Variants in GUCY2D observed in about 807,000 individuals in gnomAD.
GUCY2D encodes the protein retinal guanylyl cyclase 1.
A neutral mutation model predicts 101.3 loss-of-function variants in GUCY2D; 70 were observed. The observed-to-expected ratio is 0.69, with a 90% CI of 0.57 to 0.84. The LOEUF is 0.84. Ranked by LOEUF, GUCY2D falls within the 40% of genes least tolerant of loss-of-function variation. The probability of loss-of-function intolerance (pLI) is 0.00; values close to 1 mark genes in which losing one functional copy is unlikely to be tolerated. For synonymous variants in GUCY2D, 688 were observed against 670.7 expected (o/e 1.03, Z -0.40); for missense variants, 1,460 against 1,542.5 (o/e 0.95, Z 0.90).
chr17:8,012,612 A>G lies in GUCY2D; in HGVS notation c.2113+6A>G, dbSNP rs1375678923. 1.2e-6 allele frequency: 2 copies of G among 1,610,550 alleles called. No individual in the cohort carries two copies. The highest frequency in any genetic ancestry group is 3.3e-5 in the Admixed American group (2 of 60,008). On this transcript the variant is annotated splice_donor_region_variant and intron_variant, in intron 10 of 19. Transcript: ENST00000254854. ...GGAGCCTCCCAGAGCGGAGGGTAAG[A>G]GTCCCCTGTGCAGACGAGGATCCAC...
At position 8,007,059 on chromosome 17, in the gene GUCY2D, G is replaced by C; in HGVS notation, c.1379-1G>C. The C allele has an allele frequency of 6.2e-7, 1 of 1,613,500 alleles. No individual in the cohort carries two copies. Among genetic ancestry groups the C allele is most frequent in the Non-Finnish European group, 8.5e-7 (1 of 1,179,412 alleles). On this transcript the variant is annotated splice_acceptor_variant, in intron 4 of 19. Coordinates refer to ENST00000254854, the MANE Select transcript of GUCY2D (RefSeq NM_000180.4). LOFTEE classifies it high-confidence loss of function. Reference sequence around the variant, plus strand: ...TATACCTCCTGTCACTGTCCCTTCAGGACTGGAGCCGGGCCTCGTCTTTCT... The same window carrying C: ...TATACCTCCTGTCACTGTCCCTTCACGACTGGAGCCGGGCCTCGTCTTTCT...
rs1284918392 is a variant in GUCY2D at position 8,011,837 on chromosome 17, A to T, written c.1750-307A>T. ...GAGTGAGACCTCGTGTCTAAAAAAA[A>T]AGGCTTATGATCAATAAATCCGAAC... On this transcript the variant is annotated intron_variant, in intron 8 of 19. Coordinates refer to ENST00000254854, the MANE Select transcript of GUCY2D (RefSeq NM_000180.4). This position sits in a 1 kb window ranked among gnomAD's most constrained non-coding sequence, Gnocchi z 4.3. Among the ~76,000 whole-genome samples the T allele has an allele frequency of 6.6e-6, 1 of 152,162 alleles. No homozygotes were observed. Among genetic ancestry groups the T allele is most frequent in the Non-Finnish European group, 1.5e-5 (1 of 68,014 alleles).
Position 8,002,938 on chromosome 17 carries a change from T to A in GUCY2D, c.-9-101T>A. 1 of 891,492 alleles carries A rather than the reference T, an allele frequency of 1.1e-6. No individual in the cohort carries two copies. Among genetic ancestry groups the A allele is most frequent in the Non-Finnish European group, 1.7e-6 (1 of 593,984 alleles). The allele number at this position is 891,492 out of a possible 1,614,324, so 55.2% of individuals were successfully genotyped here. A position where few individuals can be genotyped will look rare whatever the true frequency, so the allele number is the denominator to read the frequency against. On this transcript the variant is annotated intron_variant, in intron 1 of 19. Coordinates refer to ENST00000254854, the MANE Select transcript of GUCY2D (RefSeq NM_000180.4). The surrounding 1 kb of genome is among the most constrained non-coding windows in gnomAD (Gnocchi z 4.9). ...GGAGGGGGCGGTAGCAGCAGAATCA[T>A]CCCATGGGTTACTCGGGCTTGGAGA... is the stretch of plus-strand genomic sequence containing the variant.
chr17:8,016,371 G>A (rs1975976054), intron 18 of GUCY2D, 72 bp from the exon 19 acceptor site: 1 of 1,439,782 alleles, frequency 6.9e-7, no homozygotes, highest in African/African-American at 1.4e-5. Context: ...CGCGCGCGAG[G>A]CAGCGATGAC....
intron 7 of GUCY2D, 136 bp from the exon 8 acceptor site, chr17:8,009,370 G>C (rs1170359576): frequency 2.1e-5 from 16 of 766,714 alleles, no homozygotes; most frequent in African/African-American, 5.1e-5. Flanking sequence ...CAAACCCCTT[G>C]GTTCAATGCA....
At chr17:8,017,091 G>A (rs1365647075) in intron 19 of GUCY2D, among the ~76,000 whole-genome samples, 1 of 152,220 alleles carries the variant, frequency 6.6e-6, no homozygotes, top group Non-Finnish European at 1.5e-5. Flanking sequence ...TCTGTCTAAT[G>A]CTGGTGGACT....
chr17:8,003,555 G>A lies in GUCY2D; in HGVS notation c.508G>A (p.Asp170Asn). Residue 170 changes from aspartate (D) to asparagine (N), a missense_variant, in exon 2 of 20, where the codon GAT (aspartate) becomes AAT (asparagine). This residue lies in a region of GUCY2D where 1,196 missense variants were observed against 1,229.6 expected (regional missense o/e 0.97). Coordinates refer to ENST00000254854, the MANE Select transcript of GUCY2D (RefSeq NM_000180.4). ...TTAPAVTPAA[D>N]ALYALLRAFG... ...GGCCCCTGCCGTGACCCCCGCCGCG[G>A]ATGCCCTCTACGCCCTGCTTCGCGC... 6.4e-7 allele frequency: 1 copy of A among 1,571,090 alleles called. No individual in the cohort carries two copies.
At position 8,014,525 on chromosome 17, in the gene GUCY2D, G is replaced by A. The variant is rs1254022355; in HGVS notation, c.2413-76G>A. 10 of 1,331,498 alleles carry A rather than the reference G, an allele frequency of 7.5e-6. No homozygotes were observed. The highest frequency in any genetic ancestry group is 1.7e-5 in the Admixed American group (1 of 59,670). The allele number at this position is 1,331,498 out of a possible 1,614,324, so 82.5% of individuals were successfully genotyped here. On this transcript the variant is annotated intron_variant, in intron 12 of 19. Transcript: ENST00000254854. The surrounding 1 kb of genome is among the most constrained non-coding windows in gnomAD (Gnocchi z 4.0). ...TTCAGAGTGAACAGCCCCATGAGAGGGCCCATGAGGGGGGCATAAAGAGGG... is the reference window on the plus strand; with the variant it reads ...TTCAGAGTGAACAGCCCCATGAGAGAGCCCATGAGGGGGGCATAAAGAGGG...
Position 8,015,434 on chromosome 17 carries a change from CCGTGG to C in GUCY2D, c.2877_2881del (p.Val960HisfsTer9). 6.2e-7 allele frequency: 1 copy of C among 1,613,658 alleles called. No individual in the cohort carries two copies. The highest frequency in any genetic ancestry group is 8.5e-7 in the Non-Finnish European group (1 of 1,179,734). ...AACATGTCACTGGACATCCTCAGTGCCGTGGGCACTTTCCGCATGCGCCATATGCC... is the reference window on the plus strand; with the variant it reads ...AACATGTCACTGGACATCCTCAGTGCGCACTTTCCGCATGCGCCATATGCC... On this transcript the variant is annotated frameshift_variant, in exon 15 of 20. Coordinates refer to ENST00000254854, the MANE Select transcript of GUCY2D (RefSeq NM_000180.4). LOFTEE classifies it high-confidence loss of function.
Position 8,006,611 on chromosome 17 carries a change from C to T in GUCY2D, c.1275C>T (p.Gly425=), listed in dbSNP as rs779783880. ...FATYMLDPAR[G]SFLSAGTRMH... ...CATACATGCTGGATCCTGCCCGGGG[C>T]TCCTTCCTCTCCGCCGGTACCCGGA... Residue 425 remains glycine, a synonymous_variant, in exon 4 of 20, where the codon GGC becomes GGT. Transcript: ENST00000254854. 39 of 1,612,768 alleles carry T rather than the reference C, an allele frequency of 2.4e-5. No homozygotes were observed. The highest frequency in any genetic ancestry group is 3.1e-5 in the Non-Finnish European group (37 of 1,179,684).
chr17:8,006,864 G>A (rs1975754524), intron 4 of GUCY2D, 150 bp downstream of exon 4: 1 of 873,760 alleles, frequency 1.1e-6, no homozygotes, highest in Non-Finnish European at 1.9e-6. Context: ...CCCCTCTCTT[G>A]CTGAGCTCCA....
chr17:8,005,173 C>T (rs1385599019), intron 3 of GUCY2D, among the ~76,000 whole-genome samples: 1 of 152,174 alleles, frequency 6.6e-6, no homozygotes, highest in East Asian at 1.9e-4. Flanking sequence ...ACTGTTACTT[C>T]CTAAAGATCA....
chr17:8,008,579 G>C (rs182105834), intron 7 of GUCY2D, among the ~76,000 whole-genome samples: 2 of 152,332 alleles, frequency 1.3e-5, no homozygotes, highest in East Asian at 3.9e-4. Flanking sequence ...AGCAAATCAA[G>C]AGAGTAGAAA....
intron 7 of GUCY2D, among the ~76,000 whole-genome samples, chr17:8,009,243 A>T (rs1387588391): frequency 6.6e-6 from 1 of 152,170 alleles, no homozygotes; most frequent in Non-Finnish European, 1.5e-5. Context: ...AATGCACTTA[A>T]TAGGACTATT....
chr17:8,015,577 G>A, intron 15 of GUCY2D, 75 bp downstream of exon 15: 1 of 1,389,862 alleles, frequency 7.2e-7, no homozygotes, highest in Non-Finnish European at 1.0e-6. Flanking sequence ...TGTAGAGGAG[G>A]CAACTCATGG....
Position 8,015,542 on chromosome 17 carries a change from C to G in GUCY2D, c.2944+40C>G, listed in dbSNP as rs868564393. 4 of 1,564,416 alleles carry G rather than the reference C, an allele frequency of 2.6e-6. No homozygotes were observed. The African/African-American group carries it at 5.4e-5, about 21-fold the overall frequency. On this transcript the variant is annotated intron_variant, in intron 15 of 19. Coordinates refer to ENST00000254854, the MANE Select transcript of GUCY2D (RefSeq NM_000180.4). ...TTCCCAGGCTCCAGCCCATCTCCCTCTTTAGGGCCTGGCCCCAGATTTCCT... is the reference window on the plus strand; with the variant it reads ...TTCCCAGGCTCCAGCCCATCTCCCTGTTTAGGGCCTGGCCCCAGATTTCCT...
Position 8,017,285 on chromosome 17 carries a change from AC to A in GUCY2D, c.*24+736del, listed in dbSNP as rs537757201. Among the ~76,000 whole-genome samples, 280 of 152,042 alleles carry A rather than the reference AC, an allele frequency of 1.8e-3. 1 individual carries two copies. Among genetic ancestry groups the A allele is most frequent in the African/African-American group, 6.4e-3 (264 of 41,446 alleles). ...GACAGCTGGGTGGCTTGTGGCCCTC[AC>A]CCCCAGGAGCCCTGAGTCCAGCAGG... On this transcript the variant is annotated intron_variant, in intron 19 of 19. Coordinates refer to ENST00000254854, the MANE Select transcript of GUCY2D (RefSeq NM_000180.4).
chr17:8,013,216 A>G lies in GUCY2D; in HGVS notation c.2227A>G (p.Ser743Gly), dbSNP rs778719428. The change falls in exon 11 of 20, where the codon AGT becomes GGT. Residue 743 changes from serine (S) to glycine (G), a missense_variant. Ser to Gly is a moderately conservative substitution (Grantham distance 56, BLOSUM62 0). Coordinates refer to ENST00000254854, the MANE Select transcript of GUCY2D (RefSeq NM_000180.4). This position sits in a 1 kb window ranked among gnomAD's most constrained non-coding sequence, Gnocchi z 5.0. ...AIIMQEVVCR[S>G]APYAMLELTP... ...CATCATGCAAGAAGTAGTGTGCCGC[A>G]GTGCCCCTTATGCCATGCTGGAGCT... The G allele has an allele frequency of 1.2e-6, 2 of 1,614,160 alleles. No individual in the cohort carries two copies. Among genetic ancestry groups the G allele is most frequent in the South Asian group, 2.2e-5 (2 of 91,078 alleles).
At chr17:8,005,318 A>G (rs1975717051) in intron 3 of GUCY2D, among the ~76,000 whole-genome samples, 1 of 152,168 alleles carries the variant, frequency 6.6e-6, no homozygotes, top group South Asian at 2.1e-4. Context: ...ACCTTTCTCC[A>G]GATCAAGCTT....
Sources: allele counts gnomAD v4.1 joint callset (sites outside exome capture counted in the v4.1 genomes callset), GRCh38; gene constraint gnomAD v4.1.1; regional missense constraint gnomAD v4.1.1; non-coding constraint Gnocchi (gnomAD v3.1); transcripts MANE v1.5; gene names NCBI Gene and HGNC (gene_info 2026-07-23, HGNC 2026-07-21).